The following PLAC1 variants were observed in gnomAD, a reference collection of about 807,000 sequenced individuals.
PLAC1 encodes placenta associated 1.
For missense variants in PLAC1, 136 were observed against 163.2 expected (o/e 0.83, Z 0.91); for synonymous variants, 68 against 62.1 (o/e 1.09, Z -0.44).
upstream of PLAC1, among the ~76,000 whole-genome samples, chrX:134,663,447 T>TGC (rs1275802289): frequency 1.6e-3 from 183 of 112,806 alleles, 1 homozygote; most frequent in Non-Finnish European, 1.9e-3. Context: ...TGTGTGTGTG[T>TGC]GCGCGCACGC....
chrX:134,669,795 G>A (rs2078449291), intron 2 of PLAC1, among the ~76,000 whole-genome samples: 1 of 112,387 alleles, frequency 8.9e-6, no homozygotes, highest in South Asian at 3.7e-4. Flanking sequence ...AGCGGGTGGT[G>A]GGCTTGGCGG....
At chrX:134,575,381 C>T (rs1014466431) in intron 2 of PLAC1, among the ~76,000 whole-genome samples, 4 of 109,388 alleles carry the variant, frequency 3.7e-5, no homozygotes, top group South Asian at 4.0e-4. Flanking sequence ...TGTGGTGGTG[C>T]GCACCTGTTG....
At chrX:134,608,220 C>A (rs2078132390) in intron 1 of PLAC1, among the ~76,000 whole-genome samples, 1 of 111,731 alleles carries the variant, frequency 9.0e-6, no homozygotes, top group Non-Finnish European at 1.9e-5. Context: ...CAAACAAAAA[C>A]TTGTATCCCA....
chrX:134,724,118 C>T (rs1411969133), intron 2 of PLAC1, among the ~76,000 whole-genome samples: 1 of 111,898 alleles, frequency 8.9e-6, no homozygotes, highest in Non-Finnish European at 1.9e-5. Flanking sequence ...GCTAATGAGA[C>T]ATGACAACGC....
chrX:134,731,584 C>T (rs779731251), intron 2 of PLAC1, among the ~76,000 whole-genome samples: 8 of 111,984 alleles, frequency 7.1e-5, no homozygotes, highest in Non-Finnish European at 1.1e-4. Flanking sequence ...TTCATGAATG[C>T]TATCTAGCAA....
chrX:134,639,437 G>T (rs911838124), intron 1 of PLAC1, among the ~76,000 whole-genome samples: 1 of 111,225 alleles, frequency 9.0e-6, no homozygotes, highest in African/African-American at 3.3e-5. Flanking sequence ...AAAGGAACAA[G>T]CATTGGGGAG....
intron 1 of PLAC1, among the ~76,000 whole-genome samples, chrX:134,651,959 G>A (rs1477436449): frequency 9.0e-6 from 1 of 111,386 alleles, no homozygotes; most frequent in Non-Finnish European, 1.9e-5. Context: ...TAATTTCTAC[G>A]GGGGGAGGAG....
intron 2 of PLAC1, among the ~76,000 whole-genome samples, chrX:134,581,098 C>T (rs911830782): frequency 8.9e-6 from 1 of 111,774 alleles, no homozygotes; most frequent in Non-Finnish European, 1.9e-5. Flanking sequence ...CTGATTTCAT[C>T]ATATCTTTAA....
At chrX:134,624,356 C>A (rs1277671428) in intron 1 of PLAC1, among the ~76,000 whole-genome samples, 1 of 111,921 alleles carries the variant, frequency 8.9e-6, no homozygotes, top group Non-Finnish European at 1.9e-5. Context: ...CCTTCCTTAA[C>A]AGCAAACCTG....
At chrX:134,577,612 T>TG (rs932806478) in intron 2 of PLAC1, among the ~76,000 whole-genome samples, 9 of 110,029 alleles carry the variant, frequency 8.2e-5, no homozygotes, top group Non-Finnish European at 1.5e-4. Context: ...TCGCTTGAAC[T>TG]GGGGGGCAGA....
intron 2 of PLAC1, among the ~76,000 whole-genome samples, chrX:134,578,435 G>GAAAAAA (rs76054928): frequency 2.6e-5 from 2 of 76,887 alleles, no homozygotes; most frequent in Admixed American, 2.1e-4. Flanking sequence ...AAAAAGAAAA[G>GAAAAAA]AAAAAAAAAC....
chrX:134,729,514 C>T (rs1421904666), intron 2 of PLAC1, among the ~76,000 whole-genome samples: 2 of 111,892 alleles, frequency 1.8e-5, no homozygotes, highest in Non-Finnish European at 3.8e-5. Context: ...ATGCACTTTC[C>T]ATTTGACCGT....
intron 2 of PLAC1, among the ~76,000 whole-genome samples, chrX:134,720,396 T>C (rs2078654236): frequency 9.0e-6 from 1 of 111,252 alleles, no homozygotes; most frequent in Non-Finnish European, 1.9e-5. Context: ...TTAATATTGC[T>C]AAGATGGCAG....
At chrX:134,609,997 T>C (rs760932540) in intron 1 of PLAC1, among the ~76,000 whole-genome samples, 5 of 101,444 alleles carry the variant, frequency 4.9e-5, no homozygotes, top group African/African-American at 1.7e-4. Flanking sequence ...TTTTTTTTTT[T>C]GAGACAGTCT....
At chrX:134,575,906 C>T (rs2077936530) in intron 2 of PLAC1, among the ~76,000 whole-genome samples, 1 of 107,932 alleles carries the variant, frequency 9.3e-6, no homozygotes. Flanking sequence ...TTTTAAAATA[C>T]ACCATATATA....
intron 2 of PLAC1, among the ~76,000 whole-genome samples, chrX:134,597,876 G>A (rs778966749): frequency 9.0e-6 from 1 of 111,668 alleles, no homozygotes; most frequent in Admixed American, 9.5e-5. Flanking sequence ...TGTTCCCACT[G>A]GTGTTTCTGA....
intron 1 of PLAC1, among the ~76,000 whole-genome samples, chrX:134,634,386 C>T (rs2078274447): frequency 8.9e-6 from 1 of 111,962 alleles, no homozygotes; most frequent in Non-Finnish European, 1.9e-5. Context: ...CCATACAATT[C>T]ACCCATTTAA....
chrX:134,732,001 C>A (rs771934904), intron 2 of PLAC1, among the ~76,000 whole-genome samples: 1 of 111,822 alleles, frequency 8.9e-6, no homozygotes, highest in East Asian at 2.8e-4. Flanking sequence ...GCCCCAGGAT[C>A]TTACCAATGA....
chrX:134,684,020 T>A (rs1000297538), intron 2 of PLAC1, among the ~76,000 whole-genome samples: 1 of 111,653 alleles, frequency 9.0e-6, no homozygotes, highest in Non-Finnish European at 1.9e-5. Flanking sequence ...GAGGGGGTGA[T>A]CTTTTGTGGT....
Sources: allele counts gnomAD v4.1 joint callset (sites outside exome capture counted in the v4.1 genomes callset), GRCh38; gene constraint gnomAD v4.1.1; transcripts MANE v1.5; gene names NCBI Gene and HGNC (gene_info 2026-07-23, HGNC 2026-07-21).